The following NUDCD1 variants were observed in gnomAD, a reference collection of about 807,000 sequenced individuals.
The protein encoded by NUDCD1 is nudC domain-containing protein 1.
In NUDCD1, 60 loss-of-function variants were observed where a neutral mutation model predicts 67.8. The ratio of observed to expected loss-of-function variants is 0.88; its 90% CI spans 0.72 to 1.10. The LOEUF (loss-of-function observed/expected upper bound fraction) is 1.10, where lower values mean the gene tolerates loss of function less well. Ranked by LOEUF, NUDCD1 falls within the 50% of genes least tolerant of loss-of-function variation. The pLI is 0.00. For missense variants in NUDCD1, 643 were observed against 695.0 expected, an observed-to-expected ratio of 0.93 and a Z score of 0.84; for synonymous variants, 244 against 230.8, an observed-to-expected ratio of 1.06 and a Z score of -0.52.
In NUDCD1 at chr8:109,334,004, C is replaced by T. The variant is rs1238166527; in HGVS notation, c.7G>A (p.Val3Met). ...ACCCGTAGGGAGCAATTAGCCGCCA[C>T]CTCCATCGCTTTCCAGGGCCGCAGC... ME[V>M]AANCSLRVKR... The change falls in exon 1 of 10, where the codon GTG becomes ATG. Residue 3 changes from valine (V) to methionine (M), a missense_variant. By Grantham distance (21) the Val-to-Met change is conservative. Coordinates refer to ENST00000239690, the MANE Select transcript of NUDCD1 (RefSeq NM_032869.4). 3.7e-6 allele frequency: 6 copies of T among 1,614,176 alleles called. No homozygotes were observed. Among genetic ancestry groups the T allele is most frequent in the African/African-American group, 1.3e-5 (1 of 75,062 alleles).
rs771688103 is a variant in NUDCD1, at chr8:109,334,050, T to TTATTA, written c.-41_-40insTAATA. ...GCAGCGTGAGAATTAATAAAGCCCT[T>TTATTA]GTTGAAAGGTCCGCGCTTCACGCCT... On this transcript the variant is annotated 5_prime_UTR_variant, in exon 1 of 10. Coordinates refer to ENST00000239690, the MANE Select transcript of NUDCD1 (RefSeq NM_032869.4). 6.2e-7 allele frequency: 1 copy of TTATTA among 1,612,736 alleles called. No homozygotes were observed. The highest frequency in any genetic ancestry group is 1.7e-4 in the Middle Eastern group (1 of 6,042).
intron 8 of NUDCD1, among the ~76,000 whole-genome samples, chr8:109,258,336 T>A (rs1459774814): frequency 1.3e-5 from 2 of 152,150 alleles, no homozygotes; most frequent in African/African-American, 4.8e-5. Context: ...ATTGTATTCA[T>A]GTGTCAGGTT....
At chr8:109,247,813 T>C (rs1410049877) in intron 8 of NUDCD1, among the ~76,000 whole-genome samples, 1 of 152,200 alleles carries the variant, frequency 6.6e-6, no homozygotes, top group Non-Finnish European at 1.5e-5. Context: ...ATGTATGTTA[T>C]TCCTATCAAA....
chr8:109,333,729 G>A (rs2130168967), intron 1 of NUDCD1, among the ~76,000 whole-genome samples, 164 bp downstream of exon 1: 1 of 152,284 alleles, frequency 6.6e-6, no homozygotes, highest in East Asian at 1.9e-4. Context: ...ACCGGGTTCT[G>A]GGATGGGCAT....
In NUDCD1 at chr8:109,280,979, TTTAA is replaced by T; in HGVS notation, c.1013_1016del (p.Ile338LysfsTer10). The T allele has an allele frequency of 1.3e-6, 2 of 1,556,870 alleles. No homozygotes were observed. The highest frequency in any genetic ancestry group is 1.8e-6 in the Non-Finnish European group (2 of 1,133,826). ...TTAAAAAAAAATACCTATTACTCTCTTTAATTATCCATGTACTGCTTTCATGATC... is the reference window on the plus strand; with the variant it reads ...TTAAAAAAAAATACCTATTACTCTCTTTATCCATGTACTGCTTTCATGATC... On this transcript the variant is annotated frameshift_variant, in exon 6 of 10. Transcript: ENST00000239690. LOFTEE classifies it high-confidence loss of function.
intron 8 of NUDCD1, among the ~76,000 whole-genome samples, chr8:109,264,800 T>C (rs1031492886): frequency 1.3e-5 from 2 of 151,480 alleles, no homozygotes; most frequent in Non-Finnish European, 1.5e-5. Context: ...ACTATATTAA[T>C]GCAGACATTA....
intron 8 of NUDCD1, among the ~76,000 whole-genome samples, chr8:109,266,477 C>T (rs1424231498): frequency 6.7e-6 from 1 of 150,232 alleles, no homozygotes; most frequent in Non-Finnish European, 1.5e-5. Context: ...ATTTCCTGAC[C>T]TCGTGATCCG....
chr8:109,315,708 A>C (rs1815375013), intron 2 of NUDCD1: 1 of 152,176 alleles, frequency 6.6e-6, no homozygotes, highest in African/African-American at 2.4e-5. Flanking sequence ...TGCCATGTAC[A>C]CATGTTAAAA....
At position 109,291,420 on chromosome 8, in the gene NUDCD1, C is replaced by T. The variant is rs941349639; in HGVS notation, c.641-1487G>A. 5.9e-5 allele frequency among the ~76,000 whole-genome samples: 9 copies of T among 152,314 alleles called. No homozygotes were observed. The East Asian group carries it at 1.7e-3, about 29-fold the overall frequency. ...TTGACCTCCCAAAGTGCTGAGATTA[C>T]AGGCATGAGCCTTTGCATCTAACCT... is the stretch of plus-strand genomic sequence containing the variant. On this transcript the variant is annotated intron_variant, in intron 4 of 9. Coordinates refer to ENST00000239690, the MANE Select transcript of NUDCD1 (RefSeq NM_032869.4).
chr8:109,250,153 T>C (rs955479036), intron 8 of NUDCD1, among the ~76,000 whole-genome samples: 1 of 152,200 alleles, frequency 6.6e-6, no homozygotes, highest in Middle Eastern at 3.2e-3. Context: ...GCAAGAATTG[T>C]TGAATTCTTT....
chr8:109,249,673 T>A lies in NUDCD1; in HGVS notation c.1300-4192A>T, dbSNP rs572478390. Among the ~76,000 whole-genome samples the A allele has an allele frequency of 6.6e-4, 101 of 152,296 alleles. 1 individual carries two copies. The highest frequency in any genetic ancestry group is 3.4e-3 in the Middle Eastern group (1 of 294). On this transcript the variant is annotated intron_variant, in intron 8 of 9. Coordinates refer to ENST00000239690, the MANE Select transcript of NUDCD1 (RefSeq NM_032869.4). ...GATCTGCCCCTGAAAAGGGACAAAGTCATGTTTCAAATAAGATTTGGATTT... is the reference window on the plus strand; with the variant it reads ...GATCTGCCCCTGAAAAGGGACAAAGACATGTTTCAAATAAGATTTGGATTT...
At position 109,289,894 on chromosome 8, in the gene NUDCD1, C is replaced by A. The variant is rs777091704; in HGVS notation, c.680G>T (p.Arg227Leu). Residue 227 changes from arginine (R) to leucine (L), a missense_variant, in exon 5 of 10, where the codon CGT (arginine) becomes CTT (leucine). By Grantham distance (102) the Arg-to-Leu change is moderately radical. Transcript: ENST00000239690. Reference protein sequence around the residue: ...KYEIIKRDILRGKSVPHYAAI... With the variant: ...KYEIIKRDILLGKSVPHYAAI... ...AGCATAATGTGGCACTGACTTTCCA[C>A]GGAGAATATCACGCTTAATAATTTC... 1 of 1,529,788 alleles carries A rather than the reference C, an allele frequency of 6.5e-7. No individual in the cohort carries two copies. Among genetic ancestry groups the A allele is most frequent in the Admixed American group, 2.2e-5 (1 of 44,934 alleles). The allele number at this position is 1,529,788 out of a possible 1,614,324, so 94.8% of individuals were successfully genotyped here. A position where few individuals can be genotyped will look rare whatever the true frequency, so the allele number is the denominator to read the frequency against.
chr8:109,324,049 G>A (rs1815605358), intron 1 of NUDCD1, among the ~76,000 whole-genome samples: 1 of 151,902 alleles, frequency 6.6e-6, no homozygotes, highest in African/African-American at 2.4e-5. Context: ...AAAGACAAAT[G>A]GGATTATATT....
chr8:109,329,928 A>C, intron 1 of NUDCD1: 4 of 1,522,336 alleles, frequency 2.6e-6, no homozygotes, highest in Non-Finnish European at 8.8e-7. Flanking sequence ...AAAGTCTATG[A>C]AGTACTGGTT....
At chr8:109,260,337 T>C (rs902735053) in intron 8 of NUDCD1, among the ~76,000 whole-genome samples, 15 of 152,160 alleles carry the variant, frequency 9.9e-5, no homozygotes, top group Admixed American at 2.6e-4. Flanking sequence ...TAGGACTAGA[T>C]GTGTGCACCA....
intron 7 of NUDCD1, among the ~76,000 whole-genome samples, chr8:109,274,534 A>G (rs973460313): frequency 6.6e-6 from 1 of 152,182 alleles, no homozygotes; most frequent in African/African-American, 2.4e-5. Context: ...GTCCTACATA[A>G]GAATTCCAGT....
At chr8:109,247,406 A>G (rs1421683923) in intron 8 of NUDCD1, among the ~76,000 whole-genome samples, 1 of 152,196 alleles carries the variant, frequency 6.6e-6, no homozygotes, top group East Asian at 1.9e-4. Context: ...TTGAAGAGAC[A>G]GCAGTGAGAA....
intron 8 of NUDCD1, among the ~76,000 whole-genome samples, chr8:109,254,310 C>T (rs908843289): frequency 2.0e-5 from 3 of 152,050 alleles, no homozygotes; most frequent in Non-Finnish European, 4.4e-5. Flanking sequence ...TAACCATCAA[C>T]AAAATGTTAC....
At chr8:109,251,182 CT>C (rs60556601) in intron 8 of NUDCD1, among the ~76,000 whole-genome samples, 11 of 130,544 alleles carry the variant, frequency 8.4e-5, no homozygotes, top group African/African-American at 1.5e-4. Flanking sequence ...TTTTTTTTTT[CT>C]TTTTTTTTTG....
Sources: allele counts gnomAD v4.1 joint callset (sites outside exome capture counted in the v4.1 genomes callset), GRCh38; gene constraint gnomAD v4.1.1; transcripts MANE v1.5; gene names NCBI Gene and HGNC (gene_info 2026-07-23, HGNC 2026-07-21).